TAGAP: variants seen among roughly 807,000 people sequenced by gnomAD.
TAGAP encodes T-cell activation Rho GTPase-activating protein.
Under a neutral mutation model 36.0 loss-of-function variants are expected in TAGAP, and 16 were observed. The ratio of observed to expected loss-of-function variants is 0.44; its 90% CI spans 0.30 to 0.68. TAGAP has a LOEUF of 0.68. Among genes scored for constraint, TAGAP ranks in the 30% least tolerant of loss-of-function variants. The pLI, the probability that TAGAP is intolerant of heterozygous loss-of-function variation, is 0.09. For missense variants in TAGAP, 794 were observed against 921.5 expected (o/e 0.86, Z 1.79); for synonymous variants, 372 against 377.4 (o/e 0.99, Z 0.17).
chr6:159,037,000 G>GC lies in TAGAP; in HGVS notation c.1022dup (p.Asp343GlyfsTer2). On this transcript the variant is annotated frameshift_variant, in exon 10 of 10. Coordinates refer to ENST00000367066, the MANE Select transcript of TAGAP (RefSeq NM_054114.5). LOFTEE classifies it low-confidence loss of function (END_TRUNC). The surrounding 1 kb of genome is among the most constrained non-coding windows in gnomAD (Gnocchi z 4.9). Reference sequence around the variant, plus strand: ...CATCCTGTGGGCCCGCGCTATCCAAGCCAGCAGCTGTGGCCATGGGCACCT... The same window carrying GC: ...CATCCTGTGGGCCCGCGCTATCCAAGCCCAGCAGCTGTGGCCATGGGCACCT... 1 of 1,613,868 alleles carries GC rather than the reference G, an allele frequency of 6.2e-7. No individual in the cohort carries two copies. Among genetic ancestry groups the GC allele is most frequent in the Non-Finnish European group, 8.5e-7 (1 of 1,179,988 alleles).
At chr6:159,044,259 T>A (rs1337405468) in intron 1 of TAGAP, 55 bp from the exon 2 acceptor site, 51 of 1,090,908 alleles carry the variant, frequency 4.7e-5, no homozygotes, top group Non-Finnish European at 6.6e-5. Context: ...TAGGCCACTT[T>A]CAGCGCCACT....
intron 3 of TAGAP, 56 bp downstream of exon 3, chr6:159,043,922 A>G: frequency 6.7e-7 from 1 of 1,497,982 alleles, no homozygotes; most frequent in Non-Finnish European, 9.2e-7. Flanking sequence ...CAATTAAAAC[A>G]AAGTTTTCCA....
rs984699796 is a variant in TAGAP, at chr6:159,036,518, C to T, written c.1505G>A (p.Arg502Gln). The T allele has an allele frequency of 2.9e-5, 46 of 1,614,008 alleles. No individual in the cohort carries two copies. The highest frequency in any genetic ancestry group is 1.3e-4 in the Admixed American group (8 of 59,996). The change falls in exon 10 of 10, where the codon CGA (arginine) becomes CAA (glutamine). Residue 502 changes from arginine (R) to glutamine (Q), a missense_variant. By Grantham distance (43) the Arg-to-Gln change is conservative. Coordinates refer to ENST00000367066, the MANE Select transcript of TAGAP (RefSeq NM_054114.5). This position sits in a 1 kb window ranked among gnomAD's most constrained non-coding sequence, Gnocchi z 4.9. ...TTKTEKGKPS[R>Q]EIKKHSMSFT... ...AGACATGGAGTGCTTTTTAATTTCT[C>T]GGCTGGGCTTGCCTTTCTCTGTCTT...
At position 159,036,587 on chromosome 6, in the gene TAGAP, C is replaced by T. The variant is rs759087022; in HGVS notation, c.1436G>A (p.Ser479Asn). 49 of 1,613,976 alleles carry T rather than the reference C, an allele frequency of 3.0e-5. No homozygotes were observed. The highest frequency in any genetic ancestry group is 5.0e-5 in the Admixed American group (3 of 59,992). The change falls in exon 10 of 10, where the codon AGT becomes AAT. Residue 479 changes from serine (S) to asparagine (N), a missense_variant. Ser to Asn is a conservative substitution (Grantham distance 46, BLOSUM62 1). Coordinates refer to ENST00000367066, the MANE Select transcript of TAGAP (RefSeq NM_054114.5). This position sits in a 1 kb window ranked among gnomAD's most constrained non-coding sequence, Gnocchi z 4.9. ...TCTGCTGAAGAAATTTCTTTTGGGA[C>T]TGGAAGGAGAAGCCACGGGCGAGCT... ...SDSSPVASPS[S>N]PKRNFFSRHQ...
At chr6:159,039,009 A>G in intron 8 of TAGAP, 105 bp downstream of exon 8, 1 of 1,588,930 alleles carries the variant, frequency 6.3e-7, no homozygotes, top group Non-Finnish European at 8.6e-7. Context: ...TTTCACTGTG[A>G]TTCTGAGTCA....
At chr6:159,043,433 A>G (rs1337923977) in intron 4 of TAGAP, among the ~76,000 whole-genome samples, 156 bp downstream of exon 4, 1 of 152,196 alleles carries the variant, frequency 6.6e-6, no homozygotes, top group South Asian at 2.1e-4. Flanking sequence ...AGTGAGTTGG[A>G]GCATACCTGC....
chr6:159,042,005 C>T (rs777032485), intron 5 of TAGAP, 73 bp downstream of exon 5: 21 of 1,499,380 alleles, frequency 1.4e-5, no homozygotes, highest in Non-Finnish European at 1.8e-5. Flanking sequence ...AGGAGAATGA[C>T]ATTCAGATTT....
Position 159,039,143 on chromosome 6 carries a change from A to G in TAGAP, c.754T>C (p.Phe252Leu). 1 of 1,614,220 alleles carries G rather than the reference A, an allele frequency of 6.2e-7. No individual in the cohort carries two copies. Among genetic ancestry groups the G allele is most frequent in the Non-Finnish European group, 8.5e-7 (1 of 1,180,048 alleles). The change falls in exon 8 of 10, where the codon TTT becomes CTT. Residue 252 changes from phenylalanine to leucine, a missense_variant. Phe to Leu is a conservative substitution (Grantham distance 22). Transcript: ENST00000367066. ...TTGTTCAGGTCCTTCTGGGCTTCAA[A>G]TGACAGGCTCTGGTCATTCTCCAGG... Reference protein sequence around the residue: ...LTLENDQSLSFEAQKDLNNKV... With the variant: ...LTLENDQSLSLEAQKDLNNKV...
chr6:159,038,732 T>G (rs539643089), intron 8 of TAGAP, among the ~76,000 whole-genome samples: 1 of 152,266 alleles, frequency 6.6e-6, no homozygotes, highest in South Asian at 2.1e-4. Context: ...TTTTGAGACA[T>G]GCATTTTAAA....
At position 159,035,929 on chromosome 6, in the gene TAGAP, G is replaced by C. The variant is rs201292158; in HGVS notation, c.2094C>G (p.Ser698=). ...RPELLPLRTV[S]ESVQRNKRDC... ...CCCGCTTATTCCTCTGCACGGACTC[G>C]GAGACGGTCCTCAGCGGGAGGAGCT... Residue 698 remains serine, a synonymous_variant, in exon 10 of 10, where the codon TCC becomes TCG. Transcript: ENST00000367066. The C allele has an allele frequency of 4.3e-6, 7 of 1,614,178 alleles. No individual in the cohort carries two copies. The highest frequency in any genetic ancestry group is 1.3e-5 in the African/African-American group (1 of 75,032).
Position 159,036,277 on chromosome 6 carries a change from G to T in TAGAP, c.1746C>A (p.Phe582Leu). ...CAGGCCTCTCCCAGTCAGCTCCCTGGAACACATCATCCACCGAGAGGGCGT... is the reference window on the plus strand; with the variant it reads ...CAGGCCTCTCCCAGTCAGCTCCCTGTAACACATCATCCACCGAGAGGGCGT... The part of the protein sequence containing the change: ...RPHALSVDDV[F>L]QGADWERPGS... Residue 582 changes from phenylalanine to leucine, a missense_variant, in exon 10 of 10, where the codon TTC (phenylalanine) becomes TTA (leucine). Transcript: ENST00000367066. The surrounding 1 kb of genome is among the most constrained non-coding windows in gnomAD (Gnocchi z 4.9). 6.2e-7 allele frequency: 1 copy of T among 1,612,294 alleles called. No individual in the cohort carries two copies. Among genetic ancestry groups the T allele is most frequent in the Non-Finnish European group, 8.5e-7 (1 of 1,179,764 alleles).
At chr6:159,038,999 T>G (rs1779656378) in intron 8 of TAGAP, 115 bp downstream of exon 8, 1 of 1,572,488 alleles carries the variant, frequency 6.4e-7, no homozygotes, top group South Asian at 1.1e-5. Flanking sequence ...CATTTTATAT[T>G]TTCACTGTGA....
rs1779513644 is a variant in TAGAP, at chr6:159,035,945, G to A, written c.2078C>T (p.Pro693Leu). ...CACGGACTCGGAGACGGTCCTCAGC[G>A]GGAGGAGCTCAGGTCTCCCTGGGCC... is the stretch of plus-strand genomic sequence containing the variant. ...VSGPGRPELL[P>L]LRTVSESVQR... is the part of the protein sequence containing the mutation. The change falls in exon 10 of 10, where the codon CCG (proline) becomes CTG (leucine). Residue 693 changes from proline (P) to leucine (L), a missense_variant. Transcript: ENST00000367066. The A allele has an allele frequency of 1.2e-6, 2 of 1,614,196 alleles. No individual in the cohort carries two copies. Among genetic ancestry groups the A allele is most frequent in the Non-Finnish European group, 1.7e-6 (2 of 1,180,020 alleles).
At chr6:159,044,330 T>G in intron 1 of TAGAP, 126 bp from the exon 2 acceptor site, 1 of 586,666 alleles carries the variant, frequency 1.7e-6, no homozygotes, top group Non-Finnish European at 2.8e-6. Flanking sequence ...TTTTTTCACT[T>G]GCCTTTACTT....
Position 159,037,947 on chromosome 6 carries a change from G to C in TAGAP, c.898+167C>G, listed in dbSNP as rs533993228. 1.3e-5 allele frequency among the ~76,000 whole-genome samples: 2 copies of C among 152,302 alleles called. No homozygotes were observed. The highest frequency in any genetic ancestry group is 6.5e-5 in the Admixed American group (1 of 15,298). ...GAGGAGGCGCTGCAGGAAAAGCCCG[G>C]AGCAGGGTTTTCATGTTTAATGACT... On this transcript the variant is annotated intron_variant, in intron 9 of 9. Transcript: ENST00000367066. The surrounding 1 kb of genome is among the most constrained non-coding windows in gnomAD (Gnocchi z 5.1).
chr6:159,043,426 G>A (rs1297222623), intron 4 of TAGAP, among the ~76,000 whole-genome samples, 163 bp downstream of exon 4: 2 of 152,232 alleles, frequency 1.3e-5, no homozygotes, highest in East Asian at 3.8e-4. Flanking sequence ...CTGCTCTAGT[G>A]AGTTGGAGCA....
At chr6:159,040,914 C>T (rs1042063944) in intron 6 of TAGAP, 82 bp from the exon 7 acceptor site, 48 of 1,053,216 alleles carry the variant, frequency 4.6e-5, no homozygotes, top group Admixed American at 4.2e-4. Context: ...TTCGTTCCAT[C>T]GCAGGGTGCT....
intron 8 of TAGAP, 147 bp downstream of exon 8, chr6:159,038,967 G>T: frequency 6.7e-7 from 1 of 1,496,298 alleles, no homozygotes. Context: ...TGAGAGAGTG[G>T]AACTATGACA....
At chr6:159,038,548 C>T (rs1023061547) in intron 8 of TAGAP, among the ~76,000 whole-genome samples, 1 of 151,982 alleles carries the variant, frequency 6.6e-6, no homozygotes, top group African/African-American at 2.4e-5. Context: ...GCCACCACGC[C>T]TGGCTAATTT....
Sources: gnomAD v4.1 joint callset for allele counts (sites outside exome capture counted in the v4.1 genomes callset) on GRCh38, gnomAD v4.1.1 for gene constraint, Gnocchi (gnomAD v3.1) non-coding constraint, MANE v1.5 for transcripts, NCBI Gene and HGNC (gene_info 2026-07-23, HGNC 2026-07-21) for gene names.